The following SYCP2L variants were observed in gnomAD, a reference collection of about 807,000 sequenced individuals.
The protein encoded by SYCP2L is synaptonemal complex protein 2-like.
In SYCP2L, 98 loss-of-function variants were observed where a neutral mutation model predicts 125.8. The observed-to-expected ratio is 0.78, with a 90% confidence interval of 0.66 to 0.92. The LOEUF (loss-of-function observed/expected upper bound fraction) is 0.92. Among genes scored for constraint, SYCP2L ranks in the 40% least tolerant of loss-of-function variants. The pLI is 0.00. For synonymous variants in SYCP2L, 317 were observed against 325.4 expected (o/e 0.97, Z 0.28); for missense variants, 842 against 936.4 (o/e 0.90, Z 1.32).
chr6:10,887,570 C>T (rs1352601883), intron 1 of SYCP2L, among the ~76,000 whole-genome samples: 1 of 151,762 alleles, frequency 6.6e-6, no homozygotes, highest in Admixed American at 6.6e-5. Context: ...TATTACTTAT[C>T]AATAAATAAT....
chr6:10,914,844 T>TCTCCTG (rs1318477215), intron 14 of SYCP2L, among the ~76,000 whole-genome samples: 1 of 150,266 alleles, frequency 6.7e-6, no homozygotes, highest in Non-Finnish European at 1.5e-5. Context: ...CCTCCTGGGT[T>TCTCCTG]CAAGCGATTC....
chr6:10,911,331 C>T (rs1336868927), intron 12 of SYCP2L, among the ~76,000 whole-genome samples: 1 of 152,074 alleles, frequency 6.6e-6, no homozygotes, highest in East Asian at 1.9e-4. Flanking sequence ...TTCTTCCCCA[C>T]CCCCCATTTG....
intron 5 of SYCP2L, 106 bp downstream of exon 5, chr6:10,898,221 A>C: frequency 1.2e-6 from 1 of 855,800 alleles, no homozygotes; most frequent in Non-Finnish European, 1.8e-6. Context: ...AGTTTTGTTA[A>C]AAGACTCACA....
chr6:10,950,731 G>T (rs1399847180), intron 23 of SYCP2L, among the ~76,000 whole-genome samples: 1 of 152,080 alleles, frequency 6.6e-6, no homozygotes, highest in African/African-American at 2.4e-5. Flanking sequence ...GCAATTTCGG[G>T]TCACTGCAGC....
intron 21 of SYCP2L, among the ~76,000 whole-genome samples, chr6:10,939,990 C>T (rs1189111517): frequency 6.6e-6 from 1 of 152,026 alleles, no homozygotes; most frequent in Non-Finnish European, 1.5e-5. Context: ...TTCCACAACT[C>T]AAAAGCAAGA....
chr6:10,925,098 G>T (rs1432727150), intron 15 of SYCP2L, among the ~76,000 whole-genome samples: 1 of 152,180 alleles, frequency 6.6e-6, no homozygotes, highest in East Asian at 1.9e-4. Context: ...CATGGCTGGG[G>T]AGGCTTCACA....
chr6:10,898,191 A>C (rs1448815146), intron 5 of SYCP2L, 76 bp downstream of exon 5: 3 of 1,099,690 alleles, frequency 2.7e-6, no homozygotes, highest in Non-Finnish European at 4.1e-6. Flanking sequence ...TTTATAAAAC[A>C]TGGTTTTCTA....
At chr6:10,945,250 A>G (rs188279059) in intron 23 of SYCP2L, among the ~76,000 whole-genome samples, 44 of 152,276 alleles carry the variant, frequency 2.9e-4, no homozygotes, top group Admixed American at 2.8e-3. Flanking sequence ...AAAAGAGTAT[A>G]TTTCACAATC....
rs751897812 is a variant in SYCP2L at position 10,942,469 on chromosome 6, TCCTC to T, written c.1825_1828del (p.Pro609ThrfsTer3). Reference sequence around the variant, plus strand: ...CTCTCTAATGCTCAGAGCTTCAAGATCCTCACTCACTGAGTGAGCTCTCTTCCTT... The same window carrying T: ...CTCTCTAATGCTCAGAGCTTCAAGATACTCACTGAGTGAGCTCTCTTCCTT... On this transcript the variant is annotated frameshift_variant, in exon 22 of 30. Transcript: ENST00000283141. LOFTEE classifies it high-confidence loss of function. 4.4e-6 allele frequency: 7 copies of T among 1,582,032 alleles called. No homozygotes were observed. In the East Asian group the frequency reaches 1.1e-4, roughly 25 times the overall value.
chr6:10,913,835 ATT>A (rs1168270606), intron 14 of SYCP2L, among the ~76,000 whole-genome samples: 1 of 146,324 alleles, frequency 6.8e-6, no homozygotes, highest in Admixed American at 6.9e-5. Flanking sequence ...ATCTTCTAGA[ATT>A]TTTTTTTTTT....
intron 14 of SYCP2L, among the ~76,000 whole-genome samples, chr6:10,915,050 C>G (rs1422799548): frequency 6.6e-6 from 1 of 151,934 alleles, no homozygotes; most frequent in Non-Finnish European, 1.5e-5. Flanking sequence ...CTGGCCCATC[C>G]CTAAGTTATT....
chr6:10,909,627 C>G (rs765866045), intron 10 of SYCP2L, among the ~76,000 whole-genome samples: 7 of 152,096 alleles, frequency 4.6e-5, no homozygotes, highest in Non-Finnish European at 1.0e-4. Context: ...TAGGAGAACT[C>G]TAATAATAGT....
chr6:10,920,895 GT>G (rs1438968234), intron 14 of SYCP2L, among the ~76,000 whole-genome samples: 3 of 151,934 alleles, frequency 2.0e-5, no homozygotes, highest in African/African-American at 7.3e-5. Flanking sequence ...TGTTACATAG[GT>G]GCAGGATGTA....
chr6:10,928,479 C>T (rs1206643553), intron 18 of SYCP2L, 29 bp downstream of exon 18: 1 of 1,560,882 alleles, frequency 6.4e-7, no homozygotes, highest in Admixed American at 1.9e-5. Flanking sequence ...GCTCAAGTTT[C>T]TTATCTGTCT....
At chr6:10,913,109 A>G (rs1780637012) in intron 14 of SYCP2L, among the ~76,000 whole-genome samples, 182 bp downstream of exon 14, 1 of 152,144 alleles carries the variant, frequency 6.6e-6, no homozygotes, top group African/African-American at 2.4e-5. Context: ...TGACCTTGGG[A>G]TTAAATTATT....
rs985675737 is a variant in SYCP2L at position 10,947,434 on chromosome 6, T to C, written c.1954+4688T>C. Among the ~76,000 whole-genome samples, 8 of 152,128 alleles carry C rather than the reference T, an allele frequency of 5.3e-5. No homozygotes were observed. In the South Asian group the frequency reaches 6.2e-4, roughly 12 times the overall value. On this transcript the variant is annotated intron_variant, in intron 23 of 29. Coordinates refer to ENST00000283141, the MANE Select transcript of SYCP2L (RefSeq NM_001040274.3). ...CACAAGAGTATGAAATGTCTCTCTATTGATCTGTGTCATTGTCTGCGTCCT... is the reference window on the plus strand; with the variant it reads ...CACAAGAGTATGAAATGTCTCTCTACTGATCTGTGTCATTGTCTGCGTCCT...
chr6:10,888,856 A>G (rs948663107), intron 1 of SYCP2L, among the ~76,000 whole-genome samples: 9 of 152,124 alleles, frequency 5.9e-5, no homozygotes, highest in Admixed American at 5.9e-4. Context: ...AGTTTATGCT[A>G]TGAATTAACA....
intron 4 of SYCP2L, among the ~76,000 whole-genome samples, 182 bp from the exon 5 acceptor site, chr6:10,897,829 T>TTATGACACTTC (rs1780284422): frequency 6.6e-6 from 1 of 152,162 alleles, no homozygotes; most frequent in African/African-American, 2.4e-5. Flanking sequence ...AGCTCTGTAG[T>TTATGACACTTC]AGTATGGCAC....
chr6:10,895,027 A>G (rs6899676), intron 4 of SYCP2L, among the ~76,000 whole-genome samples: 31,565 of 152,062 alleles, frequency 0.21, 3,332 homozygotes, highest in East Asian at 0.34. Context: ...CAGGAGAGAA[A>G]GCAAACTCCA....
Sources: gnomAD v4.1 joint callset for allele counts (sites outside exome capture counted in the v4.1 genomes callset) on GRCh38, gnomAD v4.1.1 for gene constraint, MANE v1.5 for transcripts, NCBI Gene and HGNC (gene_info 2026-07-23, HGNC 2026-07-21) for gene names.